The following FRAS1 variants were observed in gnomAD, a reference collection of about 807,000 sequenced individuals.
The protein encoded by FRAS1 is Fraser extracellular matrix complex subunit 1.
A neutral mutation model predicts 435.2 loss-of-function variants in FRAS1; 290 were observed. The ratio of observed to expected loss-of-function variants is 0.67; its 90% CI spans 0.61 to 0.73. The LOEUF is 0.73. FRAS1 is among the 30% of genes least tolerant of loss of function. The pLI, the probability that FRAS1 is intolerant of heterozygous loss-of-function variation, is 0.00. For synonymous variants in FRAS1, 1,800 were observed against 1,851.0 expected (o/e 0.97, Z 0.71); for missense variants, 4,860 against 5,001.5 (o/e 0.97, Z 0.85).
At chr4:78,092,125 A>G (rs1211300533) in intron 2 of FRAS1, among the ~76,000 whole-genome samples, 1 of 151,828 alleles carries the variant, frequency 6.6e-6, no homozygotes, top group African/African-American at 2.4e-5. Context: ...TTTGGTGGTG[A>G]GAAGTGTAGA....
At chr4:78,421,439 C>T (rs11939626) in intron 33 of FRAS1, among the ~76,000 whole-genome samples, 26,381 of 152,150 alleles carry the variant, frequency 0.17, 2,605 homozygotes, top group Non-Finnish European at 0.24. Context: ...TGAGCCACCA[C>T]GCCCAGCCTC....
At chr4:78,087,159 A>G (rs373377519) in intron 2 of FRAS1, among the ~76,000 whole-genome samples, 2 of 152,196 alleles carry the variant, frequency 1.3e-5, no homozygotes, top group African/African-American at 4.8e-5. Flanking sequence ...TATAAACAGA[A>G]CCAAAGACAA....
rs149400583 is a variant in FRAS1 at position 78,261,442 on chromosome 4, A to G, written c.604-3583A>G. 2.0e-3 allele frequency among the ~76,000 whole-genome samples: 312 copies of G among 152,240 alleles called. 1 individual carries two copies. The highest frequency in any genetic ancestry group is 6.6e-3 in the African/African-American group (276 of 41,560). ...CTATCCCCAAATATAGCATCTTGGC[A>G]TATTGAATATTTTAAGCAGAAGGAA... On this transcript the variant is annotated intron_variant, in intron 6 of 73. Transcript: ENST00000512123.
chr4:78,312,871 G>A (rs1030307884), intron 15 of FRAS1, among the ~76,000 whole-genome samples: 3 of 146,384 alleles, frequency 2.0e-5, no homozygotes, highest in African/African-American at 7.5e-5. Flanking sequence ...GAGAGAGAGA[G>A]AGAGAGAGAG....
intron 56 of FRAS1, 66 bp from the exon 57 acceptor site, chr4:78,481,738 T>G (rs1269983371): frequency 1.3e-6 from 2 of 1,572,752 alleles, no homozygotes; most frequent in African/African-American, 2.7e-5. Flanking sequence ...AGAACATCAT[T>G]CTGAAAACCT....
intron 47 of FRAS1, among the ~76,000 whole-genome samples, chr4:78,458,487 C>T (rs1165871048): frequency 6.6e-6 from 1 of 152,130 alleles, no homozygotes; most frequent in African/African-American, 2.4e-5. Context: ...CATATGCTCA[C>T]TTATAAGTGA....
At chr4:78,510,571 A>G (rs1721003035) in intron 63 of FRAS1, among the ~76,000 whole-genome samples, 1 of 152,162 alleles carries the variant, frequency 6.6e-6, no homozygotes, top group Non-Finnish European at 1.5e-5. Context: ...CTACTGATTA[A>G]TTTTTCTTGT....
At chr4:78,317,035 A>C (rs190164998) in intron 16 of FRAS1, among the ~76,000 whole-genome samples, 1 of 152,348 alleles carries the variant, frequency 6.6e-6, no homozygotes, top group East Asian at 1.9e-4. Flanking sequence ...TTGAACTTCC[A>C]AGACCTCAGT....
chr4:78,344,964 A>G (rs1730550752), intron 20 of FRAS1, among the ~76,000 whole-genome samples: 1 of 152,216 alleles, frequency 6.6e-6, no homozygotes, highest in Non-Finnish European at 1.5e-5. Context: ...ACTTTAAATG[A>G]CGTATTTCCA....
intron 21 of FRAS1, 50 bp from the exon 22 acceptor site, chr4:78,363,858 G>A (rs746684435): frequency 1.3e-6 from 2 of 1,569,188 alleles, no homozygotes. Flanking sequence ...TGCTGCTTTG[G>A]AAGAGAATCT....
At chr4:78,228,460 C>T (rs1445217743) in intron 2 of FRAS1, among the ~76,000 whole-genome samples, 1 of 152,178 alleles carries the variant, frequency 6.6e-6, no homozygotes, top group East Asian at 1.9e-4. Context: ...AAACAACAGA[C>T]AGTTACAGAA....
chr4:78,464,739 T>C (rs1437538217), intron 49 of FRAS1, among the ~76,000 whole-genome samples, 156 bp downstream of exon 49: 2 of 152,192 alleles, frequency 1.3e-5, no homozygotes, highest in African/African-American at 4.8e-5. Flanking sequence ...ACCAGGGCCT[T>C]CTGGAAAAGA....
rs1417393407 is a variant in FRAS1 at position 78,407,659 on chromosome 4, C to T, written c.4130-4C>T. The T allele has an allele frequency of 6.2e-7, 1 of 1,610,010 alleles. No homozygotes were observed. Among genetic ancestry groups the T allele is most frequent in the Non-Finnish European group, 8.5e-7 (1 of 1,178,166 alleles). ...CACTAACTATGTGGCCTGTGCCTTCCTAGGGGAGGTGGTCCTTCTAGTGAA... is the reference window on the plus strand; with the variant it reads ...CACTAACTATGTGGCCTGTGCCTTCTTAGGGGAGGTGGTCCTTCTAGTGAA... On this transcript the variant is annotated splice_polypyrimidine_tract_variant and splice_region_variant and intron_variant, in intron 30 of 73. Coordinates refer to ENST00000512123, the MANE Select transcript of FRAS1 (RefSeq NM_025074.7).
At chr4:78,479,352 T>G (rs775642669) in intron 55 of FRAS1, 22 bp from the exon 56 acceptor site, 38 of 1,441,202 alleles carry the variant, frequency 2.6e-5, no homozygotes, top group Non-Finnish European at 3.4e-5. Context: ...AATGCTTTGG[T>G]TTTTTGCCAT....
intron 2 of FRAS1, among the ~76,000 whole-genome samples, chr4:78,169,070 A>C (rs1175950015): frequency 1.3e-5 from 2 of 152,094 alleles, no homozygotes; most frequent in African/African-American, 4.8e-5. Context: ...TAAGACTCCA[A>C]CCAGCCGAAC....
At chr4:78,336,309 T>C (rs931622246) in intron 19 of FRAS1, among the ~76,000 whole-genome samples, 3 of 152,204 alleles carry the variant, frequency 2.0e-5, no homozygotes, top group Non-Finnish European at 4.4e-5. Flanking sequence ...AGGATTGCCC[T>C]TGAGAGCTGT....
At chr4:78,438,759 C>A in intron 39 of FRAS1, 41 bp downstream of exon 39, 1 of 1,541,422 alleles carries the variant, frequency 6.5e-7, no homozygotes, top group Non-Finnish European at 8.8e-7. Context: ...TTCTTAAAAA[C>A]TTGTATGAAA....
chr4:78,395,019 T>C (rs781372534), intron 29 of FRAS1, among the ~76,000 whole-genome samples: 8 of 151,974 alleles, frequency 5.3e-5, no homozygotes, highest in Non-Finnish European at 7.4e-5. Context: ...ATTGCTAGTA[T>C]ATGGAAACAC....
At chr4:78,339,327 C>G (rs1730309506) in intron 20 of FRAS1, among the ~76,000 whole-genome samples, 1 of 152,200 alleles carries the variant, frequency 6.6e-6, no homozygotes, top group African/African-American at 2.4e-5. Flanking sequence ...ACTGAGAACT[C>G]ACTGAGCACA....
Sources: allele counts gnomAD v4.1 joint callset (sites outside exome capture counted in the v4.1 genomes callset), GRCh38; gene constraint gnomAD v4.1.1; transcripts MANE v1.5; gene names NCBI Gene and HGNC (gene_info 2026-07-23, HGNC 2026-07-21).